Variants in UBAP2 observed in about 807,000 individuals in gnomAD.
The protein encoded by UBAP2 is ubiquitin associated protein 2, also known as ubiquitin-associated protein 2.
UBAP2 carries 75 observed loss-of-function variants against 139.6 expected under a neutral mutation model. The ratio of observed to expected loss-of-function variants is 0.54; its 90% CI spans 0.45 to 0.65. UBAP2 has a LOEUF of 0.65. UBAP2 is among the 30% of genes least tolerant of loss of function. The pLI, the probability that UBAP2 is intolerant of heterozygous loss-of-function variation, is 0.00. For missense variants in UBAP2, 1,368 were observed against 1,369.6 expected, an observed-to-expected ratio of 1.00 and a Z score of 0.02; for synonymous variants, 526 against 526.2, an observed-to-expected ratio of 1.00 and a Z score of 0.01.
intron 6 of UBAP2, among the ~76,000 whole-genome samples, chr9:33,983,599 C>T (rs1008932269): frequency 1.4e-4 from 21 of 152,168 alleles, no homozygotes; most frequent in Admixed American, 2.0e-4. Context: ...TGGTGAGACA[C>T]AGTAAAATTT....
At chr9:33,946,255 T>C (rs1825646841) in intron 13 of UBAP2, among the ~76,000 whole-genome samples, 1 of 152,232 alleles carries the variant, frequency 6.6e-6, no homozygotes, top group Admixed American at 6.5e-5. Flanking sequence ...TTAACTCTTT[T>C]TGTCTATGAT....
chr9:33,986,662 T>C, intron 6 of UBAP2, 98 bp downstream of exon 6: 1 of 989,690 alleles, frequency 1.0e-6, no homozygotes, highest in Non-Finnish European at 1.6e-6. Context: ...TGCTATTCTT[T>C]CAGAACACAC....
At chr9:33,972,097 A>C (rs1029073638) in intron 7 of UBAP2, among the ~76,000 whole-genome samples, 1 of 152,214 alleles carries the variant, frequency 6.6e-6, no homozygotes, top group African/African-American at 2.4e-5. Flanking sequence ...ATAAGGCATA[A>C]ATAGGCAACA....
intron 2 of UBAP2, among the ~76,000 whole-genome samples, chr9:34,004,121 T>C (rs1822969365): frequency 6.6e-6 from 1 of 152,148 alleles, no homozygotes; most frequent in African/African-American, 2.4e-5. Flanking sequence ...TCCACAAAAA[T>C]GCTCTGCACA....
intron 24 of UBAP2, among the ~76,000 whole-genome samples, 153 bp from the exon 25 acceptor site, chr9:33,923,631 A>C (rs772518477): frequency 1.4e-4 from 22 of 152,200 alleles, no homozygotes; most frequent in Non-Finnish European, 2.9e-4. Context: ...ATCTAAACAC[A>C]GCAGGGGAAA....
chr9:33,949,026 G>A (rs189619210), intron 12 of UBAP2: 1,751 of 160,988 alleles, frequency 0.011, 29 homozygotes, highest in African/African-American at 0.039. Flanking sequence ...AATTAGCCGG[G>A]AGTTTTGGCA....
intron 4 of UBAP2, among the ~76,000 whole-genome samples, chr9:33,993,677 C>A (rs1005407785): frequency 1.3e-5 from 2 of 152,076 alleles, no homozygotes; most frequent in African/African-American, 4.8e-5. Flanking sequence ...ATAAAAAACC[C>A]AAAACACCAA....
At chr9:33,989,446 C>T (rs1277768156) in intron 4 of UBAP2, among the ~76,000 whole-genome samples, 1 of 152,148 alleles carries the variant, frequency 6.6e-6, no homozygotes, top group Admixed American at 6.5e-5. Flanking sequence ...CGTGATCTGC[C>T]CGCCTTGGCC....
chr9:34,017,896 C>T (rs1304875447), intron 1 of UBAP2, among the ~76,000 whole-genome samples: 1 of 151,250 alleles, frequency 6.6e-6, no homozygotes, highest in Non-Finnish European at 1.5e-5. Context: ...CACTGTACTC[C>T]AGCCTTGGCG....
chr9:33,972,669 A>C (rs1428972132), intron 7 of UBAP2, among the ~76,000 whole-genome samples: 2 of 152,250 alleles, frequency 1.3e-5, no homozygotes, highest in African/African-American at 4.8e-5. Context: ...CCCAGAAACA[A>C]GAAATAAACC....
intron 16 of UBAP2, among the ~76,000 whole-genome samples, chr9:33,937,021 C>CTT (rs1326880419): frequency 6.9e-6 from 1 of 144,708 alleles, no homozygotes; most frequent in Non-Finnish European, 1.5e-5. Flanking sequence ...GCAAAGAAAA[C>CTT]TTCTGGCCCA....
chr9:34,020,826 A>ATT (rs368883130), intron 1 of UBAP2, among the ~76,000 whole-genome samples: 4 of 151,382 alleles, frequency 2.6e-5, no homozygotes, highest in Non-Finnish European at 5.9e-5. Flanking sequence ...AGCCCAGCTA[A>ATT]TTTTTTTGTA....
At chr9:34,005,804 C>G (rs10122388) in intron 2 of UBAP2, among the ~76,000 whole-genome samples, 19,339 of 152,090 alleles carry the variant, frequency 0.13, 1,563 homozygotes, top group African/African-American at 0.22. Flanking sequence ...AGCCTTAAAA[C>G]TAAAATTTAA....
chr9:33,923,503 T>C (rs770492256), intron 24 of UBAP2, 25 bp from the exon 25 acceptor site: 3 of 1,610,676 alleles, frequency 1.9e-6, no homozygotes, highest in South Asian at 1.1e-5. Flanking sequence ...AGATGAGGTA[T>C]TAGTGTAGGA....
intron 5 of UBAP2, 54 bp from the exon 6 acceptor site, chr9:33,986,891 T>C: frequency 6.8e-7 from 1 of 1,469,106 alleles, no homozygotes; most frequent in Admixed American, 1.7e-5. Context: ...CTCTTGTACA[T>C]AACCTTATCA....
intron 2 of UBAP2, among the ~76,000 whole-genome samples, chr9:34,008,067 G>T (rs1469908906): frequency 1.3e-5 from 2 of 151,906 alleles, no homozygotes; most frequent in Non-Finnish European, 2.9e-5. Flanking sequence ...CCTGGGAGGC[G>T]AAGGTTGTAG....
At chr9:33,947,741 A>G (rs1825753330) in intron 13 of UBAP2, among the ~76,000 whole-genome samples, 1 of 151,732 alleles carries the variant, frequency 6.6e-6, no homozygotes, top group African/African-American at 2.4e-5. Context: ...GGGAGGATGG[A>G]CTGAGCCTGG....
intron 16 of UBAP2, among the ~76,000 whole-genome samples, chr9:33,939,966 G>GA (rs997855989): frequency 8.6e-6 from 1 of 116,850 alleles, no homozygotes; most frequent in Non-Finnish European, 1.7e-5. Context: ...GGAAGAAGAA[G>GA]AAAAAATAAG....
At position 33,963,736 on chromosome 9, in the gene UBAP2, A is replaced by AT; in HGVS notation, c.734dup (p.Tyr245Ter). The stretch of plus-strand genomic sequence containing the variant: ...ATTAAGTATTCATACCTTTGAGTCC[A>AT]TAAGAACTTTTGTTTGACAGATCCT... The part of the protein sequence containing the change: ...IAQDLSNKSS[Y>*]GLKGAWKNSV... The change falls in exon 9 of 29, where the codon TAT becomes TAAT. Residue 245 changes from tyrosine (Y) to a stop codon, truncating the protein, a stop_gained and frameshift_variant. Coordinates refer to ENST00000379238, the MANE Select transcript of UBAP2 (RefSeq NM_001370062.2). LOFTEE classifies it high-confidence loss of function. 1 of 1,607,946 alleles carries AT rather than the reference A, an allele frequency of 6.2e-7. No individual in the cohort carries two copies. Among genetic ancestry groups the AT allele is most frequent in the South Asian group, 1.1e-5 (1 of 90,856 alleles).
Sources: allele counts gnomAD v4.1 joint callset (sites outside exome capture counted in the v4.1 genomes callset), GRCh38; gene constraint gnomAD v4.1.1; transcripts MANE v1.5; gene names NCBI Gene and HGNC (gene_info 2026-07-23, HGNC 2026-07-21).